Variants in NOS1AP observed in about 807,000 individuals in gnomAD.
NOS1AP encodes the protein nitric oxide synthase 1 adaptor protein.
NOS1AP carries 21 observed loss-of-function variants against 56.2 expected under a neutral mutation model. The observed-to-expected ratio is 0.37, with a 90% CI of 0.26 to 0.54. The LOEUF (loss-of-function observed/expected upper bound fraction) is 0.54, where lower values mean the gene tolerates loss of function less well. Ranked by LOEUF, NOS1AP falls within the 20% of genes least tolerant of loss-of-function variation. The pLI, the probability that NOS1AP is intolerant of heterozygous loss-of-function variation, is 0.84. For synonymous variants in NOS1AP, 270 were observed against 274.6 expected, an observed-to-expected ratio of 0.98 and a Z score of 0.17; for missense variants, 522 against 657.8, an observed-to-expected ratio of 0.79 and a Z score of 2.26.
At chr1:162,333,669 G>A (rs347309) in intron 5 of NOS1AP, among the ~76,000 whole-genome samples, 136,845 of 152,224 alleles carry the variant, frequency 0.9, 61,933 homozygotes, top group Non-Finnish European at 0.95. Context: ...AGAAGCCTAG[G>A]ATCTAGCCCT....
chr1:162,080,181 G>T, intron 1 of NOS1AP, among the ~76,000 whole-genome samples: 1 of 152,228 alleles, frequency 6.6e-6, no homozygotes, highest in African/African-American at 2.4e-5. Context: ...TTTATATTCA[G>T]CATCATGTTT....
intron 1 of NOS1AP, among the ~76,000 whole-genome samples, chr1:162,124,235 G>A (rs571062105): frequency 1.3e-5 from 2 of 152,172 alleles, no homozygotes; most frequent in Non-Finnish European, 2.9e-5. Flanking sequence ...CTCGAGTAGT[G>A]TACATCGTAC....
At chr1:162,092,544 T>A (rs546807538) in intron 1 of NOS1AP, among the ~76,000 whole-genome samples, 51 of 152,354 alleles carry the variant, frequency 3.3e-4, no homozygotes, top group Middle Eastern at 3.4e-3. Context: ...AATTGACATT[T>A]TATTTATCTC....
At chr1:162,182,924 A>G (rs1651309901) in intron 2 of NOS1AP, among the ~76,000 whole-genome samples, 1 of 152,170 alleles carries the variant, frequency 6.6e-6, no homozygotes, top group Non-Finnish European at 1.5e-5. Flanking sequence ...GCTCCTGTTG[A>G]TGTTGATGTT....
intron 6 of NOS1AP, among the ~76,000 whole-genome samples, chr1:162,354,968 A>G (rs1056537882): frequency 1.1e-4 from 17 of 152,174 alleles, no homozygotes; most frequent in African/African-American, 4.1e-4. Context: ...TTGAGGAAGT[A>G]TTGCCTTTTT....
chr1:162,367,530 C>T lies in NOS1AP; in HGVS notation c.*63C>T. ...GGAGGGGCCGTGTCTGGCTGCTGCC[C>T]GGGTAGGGGATGCCCAGTGAATGTG... On this transcript the variant is annotated 3_prime_UTR_variant, in exon 10 of 10. Transcript: ENST00000361897. The surrounding 1 kb of genome is among the most constrained non-coding windows in gnomAD (Gnocchi z 6.5). The T allele has an allele frequency of 2.0e-6, 3 of 1,482,632 alleles. No individual in the cohort carries two copies. The highest frequency in any genetic ancestry group is 2.0e-5 in the Admixed American group (1 of 48,876). The allele number at this position is 1,482,632 out of a possible 1,614,324, so 91.8% of individuals were successfully genotyped here.
chr1:162,328,649 C>T (rs1656667966), intron 4 of NOS1AP, among the ~76,000 whole-genome samples: 1 of 152,170 alleles, frequency 6.6e-6, no homozygotes, highest in Admixed American at 6.5e-5. Context: ...AGATAATGAC[C>T]AGGGTGTCCC....
intron 1 of NOS1AP, among the ~76,000 whole-genome samples, chr1:162,072,606 G>T (rs1691683104): frequency 2.6e-5 from 4 of 152,318 alleles, no homozygotes; most frequent in East Asian, 1.9e-4. Flanking sequence ...TACGGTAAGG[G>T]GAGTGGTGGA....
chr1:162,242,888 C>T (rs1011975958), intron 2 of NOS1AP, among the ~76,000 whole-genome samples: 14 of 151,982 alleles, frequency 9.2e-5, no homozygotes, highest in South Asian at 2.1e-4. Context: ...AGGAGGGGCG[C>T]GGGCAAAAGT....
intron 1 of NOS1AP, among the ~76,000 whole-genome samples, chr1:162,087,548 C>A (rs904952312): frequency 6.6e-6 from 1 of 152,172 alleles, no homozygotes; most frequent in African/African-American, 2.4e-5. Flanking sequence ...CAACTTTCAT[C>A]TCTTTGTACT....
chr1:162,165,880 G>A (rs945713), intron 2 of NOS1AP, among the ~76,000 whole-genome samples: 68,202 of 152,026 alleles, frequency 0.45, 18,635 homozygotes, highest in Non-Finnish European at 0.61. Flanking sequence ...TATCCCAAAG[G>A]CACCTTAAAT....
chr1:162,097,013 A>G (rs979447867), intron 1 of NOS1AP, among the ~76,000 whole-genome samples: 5 of 152,048 alleles, frequency 3.3e-5, no homozygotes, highest in Non-Finnish European at 7.4e-5. Context: ...CACTTGTAAG[A>G]TTGCTGGAGG....
chr1:162,304,344 T>C (rs1655748346), intron 4 of NOS1AP, among the ~76,000 whole-genome samples: 2 of 152,228 alleles, frequency 1.3e-5, no homozygotes, highest in Non-Finnish European at 2.9e-5. Context: ...TTCTGGACTC[T>C]TTATTCTGTC....
chr1:162,341,812 G>GATTAA (rs1657117107), intron 5 of NOS1AP, among the ~76,000 whole-genome samples: 1 of 152,186 alleles, frequency 6.6e-6, no homozygotes, highest in African/African-American at 2.4e-5. Flanking sequence ...TTTCACCTGA[G>GATTAA]AGTTAAGCTT....
chr1:162,093,920 A>G (rs1218786601), intron 1 of NOS1AP, among the ~76,000 whole-genome samples: 1 of 152,218 alleles, frequency 6.6e-6, no homozygotes, highest in Admixed American at 6.5e-5. Flanking sequence ...AGGGCCCACA[A>G]TACAATTTTC....
chr1:162,155,279 C>CATATATAT, intron 2 of NOS1AP, among the ~76,000 whole-genome samples: 1 of 136,610 alleles, frequency 7.3e-6, no homozygotes, highest in South Asian at 2.4e-4. Context: ...CATACATATA[C>CATATATAT]ACATATATAC....
At chr1:162,352,320 A>G (rs758421219) in intron 6 of NOS1AP, among the ~76,000 whole-genome samples, 1 of 151,866 alleles carries the variant, frequency 6.6e-6, no homozygotes, top group Non-Finnish European at 1.5e-5. Context: ...CGGCCTCCCA[A>G]AGTGCTGGAA....
At chr1:162,346,188 T>G (rs554979139) in intron 6 of NOS1AP, among the ~76,000 whole-genome samples, 70 of 152,226 alleles carry the variant, frequency 4.6e-4, no homozygotes, top group Non-Finnish European at 9.4e-4. Context: ...CTTCTAAGAA[T>G]GAATCCTAAA....
At chr1:162,191,879 C>T (rs1342278272) in intron 2 of NOS1AP, among the ~76,000 whole-genome samples, 1 of 152,094 alleles carries the variant, frequency 6.6e-6, no homozygotes, top group East Asian at 1.9e-4. Context: ...TAATAAATGC[C>T]AAAGTGGTGA....
Sources: gnomAD v4.1 joint callset for allele counts (sites outside exome capture counted in the v4.1 genomes callset) on GRCh38, gnomAD v4.1.1 for gene constraint, Gnocchi (gnomAD v3.1) non-coding constraint, MANE v1.5 for transcripts, NCBI Gene and HGNC (gene_info 2026-07-23, HGNC 2026-07-21) for gene names.